Variants in L2HGDH observed in about 807,000 individuals in gnomAD.
L2HGDH encodes the protein L-2-hydroxyglutarate dehydrogenase, also known as L-2-hydroxyglutarate dehydrogenase, mitochondrial.
A neutral mutation model predicts 51.5 loss-of-function variants in L2HGDH; 34 were observed. The observed-to-expected ratio is 0.66, with a 90% CI of 0.50 to 0.88. The LOEUF is 0.88. Among genes scored for constraint, L2HGDH ranks in the 40% least tolerant of loss-of-function variants. The probability of loss-of-function intolerance (pLI) is 0.00; values close to 1 mark genes in which losing one functional copy is unlikely to be tolerated. For synonymous variants in L2HGDH, 198 were observed against 197.9 expected (o/e 1.00, Z -0.01); for missense variants, 558 against 571.9 (o/e 0.98, Z 0.25).
intron 9 of L2HGDH, among the ~76,000 whole-genome samples, 157 bp downstream of exon 9, chr14:50,265,201 A>C (rs1224006029): frequency 1.3e-5 from 2 of 152,248 alleles, no homozygotes; most frequent in Non-Finnish European, 1.5e-5. Context: ...TGCACTGCAA[A>C]GGGAATTCAA....
chr14:50,292,599 G>C (rs558129111), intron 4 of L2HGDH, among the ~76,000 whole-genome samples: 1 of 152,054 alleles, frequency 6.6e-6, no homozygotes, highest in Non-Finnish European at 1.5e-5. Context: ...CCAGCTACTC[G>C]GGAGGCTGAG....
chr14:50,309,688 CTT>C (rs11375607), intron 1 of L2HGDH, among the ~76,000 whole-genome samples: 5 of 142,624 alleles, frequency 3.5e-5, no homozygotes, highest in African/African-American at 1.0e-4. Context: ...TTATACCACC[CTT>C]TTTTTTTTTT....
At chr14:50,288,896 A>G (rs1391126884) in intron 4 of L2HGDH, among the ~76,000 whole-genome samples, 5 of 152,200 alleles carry the variant, frequency 3.3e-5, no homozygotes, top group Non-Finnish European at 7.3e-5. Flanking sequence ...TAATTCATGA[A>G]TCACTAAAAG....
At chr14:50,307,050 A>G (rs2139226766) in intron 1 of L2HGDH, among the ~76,000 whole-genome samples, 1 of 152,170 alleles carries the variant, frequency 6.6e-6, no homozygotes, top group South Asian at 2.1e-4. Flanking sequence ...TCCTGACCTC[A>G]GGTGATCCAC....
chr14:50,310,792 C>G (rs1045275464), intron 1 of L2HGDH, among the ~76,000 whole-genome samples: 8 of 152,232 alleles, frequency 5.3e-5, no homozygotes, highest in East Asian at 1.9e-4. Flanking sequence ...CCCAAAAGAA[C>G]TGTCCACATG....
In L2HGDH at chr14:50,309,561, TAA is replaced by T. The variant is rs11375606; in HGVS notation, c.140+2448_140+2449del. Among the ~76,000 whole-genome samples, 24 of 145,638 alleles carry T rather than the reference TAA, an allele frequency of 1.6e-4. 1 individual carries two copies. The highest frequency in any genetic ancestry group is 3.4e-3 in the Middle Eastern group (1 of 290). ...TGGGTGACAAAGCGAGACTTCGTGT[TAA>T]AAAAAAAAAAAAATTTAGATTCACA... On this transcript the variant is annotated intron_variant, in intron 1 of 9. Coordinates refer to ENST00000267436, the MANE Select transcript of L2HGDH (RefSeq NM_024884.3).
intron 1 of L2HGDH, 132 bp downstream of exon 1, chr14:50,311,879 T>G: frequency 2.1e-5 from 26 of 1,231,352 alleles, no homozygotes; most frequent in Non-Finnish European, 2.7e-5. Flanking sequence ...GGATCCGAGG[T>G]TGGAGTGCCA....
At chr14:50,308,344 G>A (rs1457719846) in intron 1 of L2HGDH, among the ~76,000 whole-genome samples, 1 of 148,910 alleles carries the variant, frequency 6.7e-6, no homozygotes, top group East Asian at 1.9e-4. Flanking sequence ...CCGAGACCGC[G>A]CCACTGCGCT....
intron 4 of L2HGDH, among the ~76,000 whole-genome samples, chr14:50,287,691 CTT>C (rs911689718): frequency 0.019 from 1,579 of 84,928 alleles, 5 homozygotes; most frequent in African/African-American, 0.074. Flanking sequence ...TATTTTTTTC[CTT>C]TTTTTTTTTT....
chr14:50,253,092 G>A (rs911147187), intron 9 of L2HGDH, among the ~76,000 whole-genome samples: 1 of 152,130 alleles, frequency 6.6e-6, no homozygotes, highest in African/African-American at 2.4e-5. Context: ...CATCTTCTCT[G>A]ACCACAATGG....
At chr14:50,259,672 A>G (rs1027550309) in intron 9 of L2HGDH, among the ~76,000 whole-genome samples, 4 of 151,194 alleles carry the variant, frequency 2.6e-5, no homozygotes, top group African/African-American at 9.7e-5. Context: ...TACTAAAAAT[A>G]GGGAAAAAAA....
rs748747271 is a variant in L2HGDH, at chr14:50,269,275, C to T, written c.794G>A (p.Arg265His). 11 of 1,613,770 alleles carry T rather than the reference C, an allele frequency of 6.8e-6. No homozygotes were observed. Among genetic ancestry groups the T allele is most frequent in the East Asian group, 4.5e-5 (2 of 44,886 alleles). The change falls in exon 7 of 10, where the codon CGT (arginine) becomes CAT (histidine). Residue 265 changes from arginine to histidine, a missense_variant. Transcript: ENST00000267436. ...VVTCAGLYSD[R>H]ISELSGCTPD... is the part of the protein sequence containing the mutation. ...AGTGCAGCCACTCAACTCTGAAATA[C>T]GGTCTGAGTAAAGTCCTGCACATGT...
At chr14:50,303,098 G>A in intron 1 of L2HGDH, 81 bp from the exon 2 acceptor site, 1 of 865,596 alleles carries the variant, frequency 1.2e-6, no homozygotes, top group East Asian at 2.5e-5. Context: ...TTTCATCAAT[G>A]GACAATTAAA....
At chr14:50,285,359 A>T (rs1890512116) in intron 4 of L2HGDH, among the ~76,000 whole-genome samples, 1 of 152,240 alleles carries the variant, frequency 6.6e-6, no homozygotes, top group Non-Finnish European at 1.5e-5. Context: ...TAACAAATTG[A>T]AAGCAATGTT....
rs1169270778 is a variant in L2HGDH at position 50,259,368 on chromosome 14, T to G, written c.1196+5990A>C. Among the ~76,000 whole-genome samples the G allele has an allele frequency of 1.6e-3, 52 of 32,562 alleles. 1 individual carries two copies. Among genetic ancestry groups the G allele is most frequent in the African/African-American group, 4.0e-3 (50 of 12,556 alleles). The allele number at this position is 32,562 out of a possible 152,430, so 21.4% of individuals were successfully genotyped here. A position where few individuals can be genotyped will look rare whatever the true frequency, so the allele number is the denominator to read the frequency against. ...CTTTCTGTTTTTTTTCTTTTTCGGT[T>G]TTTTTTTTTTTTTTTTCAGAAATGG... On this transcript the variant is annotated intron_variant, in intron 9 of 9. Transcript: ENST00000267436.
chr14:50,284,063 T>G (rs1159354054), intron 4 of L2HGDH, 30 bp from the exon 5 acceptor site: 1 of 1,586,592 alleles, frequency 6.3e-7, no homozygotes, highest in African/African-American at 1.3e-5. Context: ...AGATAACAGA[T>G]AAGAGAAATA....
chr14:50,267,031 T>G (rs1287715014), intron 8 of L2HGDH, among the ~76,000 whole-genome samples: 1 of 152,192 alleles, frequency 6.6e-6, no homozygotes, highest in Non-Finnish European at 1.5e-5. Context: ...AATAGCCATC[T>G]ACTGATTTTG....
intron 6 of L2HGDH, among the ~76,000 whole-genome samples, chr14:50,272,763 G>A (rs1336265111): frequency 6.6e-6 from 1 of 152,166 alleles, no homozygotes; most frequent in East Asian, 1.9e-4. Context: ...GCACACGTAA[G>A]TTGAAGAGGC....
At chr14:50,264,195 C>A (rs2139967069) in intron 9 of L2HGDH, among the ~76,000 whole-genome samples, 2 of 151,784 alleles carry the variant, frequency 1.3e-5, no homozygotes, top group African/African-American at 4.8e-5. Context: ...GCCTGGCTAA[C>A]AGGAGAAACC....
Sources: gnomAD v4.1 joint callset for allele counts (sites outside exome capture counted in the v4.1 genomes callset) on GRCh38, gnomAD v4.1.1 for gene constraint, MANE v1.5 for transcripts, NCBI Gene and HGNC (gene_info 2026-07-23, HGNC 2026-07-21) for gene names.